GNB3: variants seen among roughly 807,000 people sequenced by gnomAD.
GNB3 encodes guanine nucleotide-binding protein G(I)/G(S)/G(T) subunit beta-3.
Under a neutral mutation model 41.2 loss-of-function variants are expected in GNB3, and 33 were observed. The observed-to-expected ratio is 0.80, with a 90% confidence interval of 0.61 to 1.07. The LOEUF (loss-of-function observed/expected upper bound fraction) is 1.07. Among genes scored for constraint, GNB3 ranks in the 50% least tolerant of loss-of-function variants. The pLI, the probability that GNB3 is intolerant of heterozygous loss-of-function variation, is 0.00. For missense variants in GNB3, 409 were observed against 455.3 expected (o/e 0.90, Z 0.92); for synonymous variants, 172 against 173.4 (o/e 0.99, Z 0.06).
chr12:6,843,093 A>G lies in GNB3; in HGVS notation c.203+17A>G, dbSNP rs782708666. The G allele has an allele frequency of 6.2e-7, 1 of 1,601,424 alleles. No homozygotes were observed. Among genetic ancestry groups the G allele is most frequent in the Non-Finnish European group, 8.5e-7 (1 of 1,169,608 alleles). ...TGATTCTAAGTGAGGCTTGGGGGGGAACCGAGAATGGGAGGGTGAGAGCGG... is the reference window on the plus strand; with the variant it reads ...TGATTCTAAGTGAGGCTTGGGGGGGGACCGAGAATGGGAGGGTGAGAGCGG... On this transcript the variant is annotated intron_variant, in intron 4 of 9. Coordinates refer to ENST00000229264, the MANE Select transcript of GNB3 (RefSeq NM_002075.4). This position sits in a 1 kb window ranked among gnomAD's most constrained non-coding sequence, Gnocchi z 5.9.
chr12:6,841,363 C>A lies in GNB3; in HGVS notation c.57+19C>A, dbSNP rs1555123332. 6.2e-7 allele frequency: 1 copy of A among 1,608,838 alleles called. No homozygotes were observed. Among genetic ancestry groups the A allele is most frequent in the Non-Finnish European group, 8.5e-7 (1 of 1,176,750 alleles). ...GATTGCAGTAACTCCAGAGCCCTAC[C>A]CCTGGGGCCCCAGAAAACAGCTGGG... is the stretch of plus-strand genomic sequence containing the variant. On this transcript the variant is annotated intron_variant, in intron 2 of 9. Coordinates refer to ENST00000229264, the MANE Select transcript of GNB3 (RefSeq NM_002075.4).
At chr12:6,841,101 G>A (rs1013733842) in intron 1 of GNB3, 68 bp downstream of exon 1, 29 of 626,854 alleles carry the variant, frequency 4.6e-5, no homozygotes, top group Non-Finnish European at 2.9e-6. Context: ...GGCAGGCTGG[G>A]GCTGGACGCA....
chr12:6,843,033 C>A lies in GNB3; in HGVS notation c.160C>A (p.His54Asn). 6.3e-7 allele frequency: 1 copy of A among 1,581,784 alleles called. No individual in the cohort carries two copies. Among genetic ancestry groups the A allele is most frequent in the Non-Finnish European group, 8.6e-7 (1 of 1,158,850 alleles). ...QMRTRRTLRG[H>N]LAKIYAMHWA... is the part of the protein sequence containing the mutation. ...GCGGACGCGGCGGACGTTAAGGGGA[C>A]ACCTGGCCAAGATTTACGCCATGCA... The change falls in exon 4 of 10, where the codon CAC becomes AAC. Residue 54 changes from histidine (H) to asparagine (N), a missense_variant. Transcript: ENST00000229264. The surrounding 1 kb of genome is among the most constrained non-coding windows in gnomAD (Gnocchi z 5.9).
chr12:6,845,536 G>A (rs1345076200), intron 8 of GNB3, 50 bp from the exon 9 acceptor site: 1 of 1,324,552 alleles, frequency 7.5e-7, no homozygotes, highest in Non-Finnish European at 1.1e-6. Context: ...GGGAGAGGCT[G>A]TGGGCTGCCC....
rs372552655 is a variant in GNB3 at position 6,841,660 on chromosome 12, G to A, written c.96+36G>A. ...CTGTCCCCCGGAAGGCAGGGCATGG[G>A]GGGAGGGGAAGGGAGCTCCCCGACC... On this transcript the variant is annotated intron_variant, in intron 3 of 9. Transcript: ENST00000229264. The A allele has an allele frequency of 4.8e-5, 75 of 1,566,122 alleles. No individual in the cohort carries two copies. In the African/African-American group the frequency reaches 7.7e-4, roughly 16 times the overall value.
At chr12:6,844,668 G>A (rs1943647382) in intron 8 of GNB3, 1 of 152,140 alleles carries the variant, frequency 6.6e-6, no homozygotes, top group South Asian at 2.1e-4. Context: ...CGATCCTCCT[G>A]CCTCAGTCTC....
chr12:6,845,217 C>A (rs1565519994), intron 8 of GNB3: 1 of 209,006 alleles, frequency 4.8e-6, no homozygotes, highest in East Asian at 1.1e-4. Context: ...CCAGGCCTTG[C>A]ATTTGTACTG....
intron 8 of GNB3, chr12:6,844,863 C>G (rs1458562889): frequency 6.6e-6 from 1 of 152,214 alleles, no homozygotes; most frequent in African/African-American, 2.4e-5. Context: ...TTCTTTACCC[C>G]TTAAGTACTT....
chr12:6,844,093 ATTTT>A lies in GNB3; in HGVS notation c.699+138_699+141del, dbSNP rs34871066. Reference sequence around the variant, plus strand: ...AGCTTCCCTAGCCCTTTCTTACTGTATTTTTTTTTTTTTTTTTTTTTTTTTTGAG... The same window carrying A: ...AGCTTCCCTAGCCCTTTCTTACTGTATTTTTTTTTTTTTTTTTTTTTTGAG... On this transcript the variant is annotated intron_variant, in intron 8 of 9. Coordinates refer to ENST00000229264, the MANE Select transcript of GNB3 (RefSeq NM_002075.4). 2,201 of 256,900 alleles carry A rather than the reference ATTTT, an allele frequency of 8.6e-3. 1 individual carries two copies. Among genetic ancestry groups the A allele is most frequent in the South Asian group, 0.013 (217 of 16,532 alleles). The allele number at this position is 256,900 out of a possible 1,614,324, so 15.9% of individuals were successfully genotyped here.
Sources: gnomAD v4.1 joint callset for allele counts on GRCh38, gnomAD v4.1.1 for gene constraint, Gnocchi (gnomAD v3.1) non-coding constraint, MANE v1.5 for transcripts, NCBI Gene and HGNC (gene_info 2026-07-23, HGNC 2026-07-21) for gene names.